Variants in RPH3A observed in about 807,000 individuals in gnomAD.
RPH3A encodes rabphilin 3A.
In RPH3A, 48 loss-of-function variants were observed where a neutral mutation model predicts 102.2. The ratio of observed to expected loss-of-function variants is 0.47; its 90% confidence interval spans 0.37 to 0.60. The LOEUF (loss-of-function observed/expected upper bound fraction) is 0.60, where lower values mean the gene tolerates loss of function less well. RPH3A is among the 20% of genes least tolerant of loss of function. The pLI is 0.00. For synonymous variants in RPH3A, 310 were observed against 324.3 expected (o/e 0.96, Z 0.47); for missense variants, 781 against 910.1 (o/e 0.86, Z 1.83).
intron 4 of RPH3A, among the ~76,000 whole-genome samples, chr12:112,839,753 C>T (rs183617435): frequency 5.8e-4 from 89 of 152,186 alleles, no homozygotes; most frequent in Non-Finnish European, 1.0e-4. Context: ...TTTGGGAGGC[C>T]GAGATAGGCA....
intron 5 of RPH3A, among the ~76,000 whole-genome samples, chr12:112,856,564 ATGTGTGGATGCATGTGTCATCTGTGTG>A (rs2042415432): frequency 6.6e-6 from 1 of 151,594 alleles, no homozygotes; most frequent in Non-Finnish European, 1.5e-5. Context: ...GTGGATATAT[ATGTGTGGATGCATGTGTCATCTGTGTG>A]TGTGTGTGTT....
intron 1 of RPH3A, among the ~76,000 whole-genome samples, chr12:112,672,576 G>A (rs1202990121): frequency 1.3e-5 from 2 of 152,162 alleles, no homozygotes; most frequent in Admixed American, 6.5e-5. Context: ...CACAGCTGCA[G>A]GTGCCTTGGT....
intron 1 of RPH3A, among the ~76,000 whole-genome samples, chr12:112,702,508 C>A (rs1489590947): frequency 6.6e-6 from 1 of 152,224 alleles, no homozygotes; most frequent in Admixed American, 6.5e-5. Flanking sequence ...GACATTGATG[C>A]TCAGGGAGAT....
intron 2 of RPH3A, among the ~76,000 whole-genome samples, chr12:112,816,364 T>A (rs150542452): frequency 3.3e-5 from 5 of 152,324 alleles, no homozygotes; most frequent in Non-Finnish European, 7.4e-5. Flanking sequence ...TGGGTTAGGT[T>A]GTGCTGTGCT....
At chr12:112,602,054 G>A (rs1283278640) in intron 1 of RPH3A, among the ~76,000 whole-genome samples, 2 of 152,212 alleles carry the variant, frequency 1.3e-5, no homozygotes, top group Non-Finnish European at 2.9e-5. Context: ...GGTGGGTATT[G>A]CTGAGGCGGG....
chr12:112,676,561 C>T (rs936809917), intron 1 of RPH3A, among the ~76,000 whole-genome samples: 9 of 152,202 alleles, frequency 5.9e-5, no homozygotes, highest in African/African-American at 1.9e-4. Flanking sequence ...AATAAGAGAG[C>T]GACTAGGCCT....
chr12:112,644,005 G>A (rs950320793), intron 1 of RPH3A, among the ~76,000 whole-genome samples: 17 of 152,228 alleles, frequency 1.1e-4, no homozygotes, highest in African/African-American at 4.1e-4. Flanking sequence ...CAATGTGGAT[G>A]GAACTGGAGG....
chr12:112,778,364 A>G (rs1326315403), intron 1 of RPH3A, among the ~76,000 whole-genome samples: 1 of 152,198 alleles, frequency 6.6e-6, no homozygotes, highest in African/African-American at 2.4e-5. Context: ...GACACCCTGA[A>G]AGTAGTTCAC....
intron 1 of RPH3A, among the ~76,000 whole-genome samples, chr12:112,727,848 G>T (rs1293887396): frequency 6.6e-6 from 1 of 152,108 alleles, no homozygotes. Flanking sequence ...GGGTTCTTTT[G>T]TTCACAACCA....
intron 1 of RPH3A, among the ~76,000 whole-genome samples, chr12:112,685,286 C>T (rs1592942730): frequency 6.6e-6 from 1 of 152,244 alleles, no homozygotes; most frequent in Non-Finnish European, 1.5e-5. Context: ...GAGACTCTGC[C>T]CTCATCACCT....
intron 1 of RPH3A, among the ~76,000 whole-genome samples, chr12:112,679,487 G>A (rs1046405139): frequency 3.9e-5 from 6 of 151,948 alleles, no homozygotes; most frequent in African/African-American, 7.3e-5. Context: ...GTGCCGTGGC[G>A]CAATCTTGGC....
At chr12:112,744,354 G>T (rs1411606498) in intron 1 of RPH3A, among the ~76,000 whole-genome samples, 1 of 152,148 alleles carries the variant, frequency 6.6e-6, no homozygotes, top group East Asian at 1.9e-4. Flanking sequence ...AGGATTACAT[G>T]CGTGAGCCAC....
chr12:112,794,028 A>G (rs1419036870), intron 2 of RPH3A, among the ~76,000 whole-genome samples: 2 of 152,184 alleles, frequency 1.3e-5, no homozygotes, highest in African/African-American at 4.8e-5. Flanking sequence ...CCAGATGTGG[A>G]CACTTCCCAA....
At chr12:112,865,588 G>A in intron 6 of RPH3A, 45 bp downstream of exon 6, 1 of 1,598,042 alleles carries the variant, frequency 6.3e-7, no homozygotes, top group Non-Finnish European at 8.5e-7. Flanking sequence ...AGCACCTGCA[G>A]AGGGGAAAGT....
intron 2 of RPH3A, among the ~76,000 whole-genome samples, chr12:112,827,676 G>A (rs923326580): frequency 6.6e-6 from 1 of 151,988 alleles, no homozygotes; most frequent in East Asian, 1.9e-4. Flanking sequence ...CTTGGATGTA[G>A]AGTATTTTTT....
At chr12:112,591,200 C>T (rs1395736846) in intron 1 of RPH3A, among the ~76,000 whole-genome samples, 1 of 152,170 alleles carries the variant, frequency 6.6e-6, no homozygotes, top group Non-Finnish European at 1.5e-5. Flanking sequence ...ATCCTCCCAC[C>T]TCAGCCTCCT....
At chr12:112,827,906 AG>A (rs1397158883) in intron 2 of RPH3A, among the ~76,000 whole-genome samples, 1 of 72,094 alleles carries the variant, frequency 1.4e-5, no homozygotes, top group African/African-American at 6.0e-5. Flanking sequence ...TAAAAAAAAA[AG>A]GGAAAAAAAA....
intron 1 of RPH3A, among the ~76,000 whole-genome samples, chr12:112,675,621 C>G (rs866867390): frequency 6.6e-6 from 1 of 152,102 alleles, no homozygotes; most frequent in Non-Finnish European, 1.5e-5. Flanking sequence ...CTTTATTACT[C>G]CAAAGAGGGC....
chr12:112,716,871 T>G (rs2040516813), intron 1 of RPH3A, among the ~76,000 whole-genome samples: 1 of 152,218 alleles, frequency 6.6e-6, no homozygotes, highest in Admixed American at 6.5e-5. Flanking sequence ...AGGTACACAT[T>G]GGGCATATTC....
Sources: gnomAD v4.1 joint callset for allele counts (sites outside exome capture counted in the v4.1 genomes callset) on GRCh38, gnomAD v4.1.1 for gene constraint, MANE v1.5 for transcripts, NCBI Gene and HGNC (gene_info 2026-07-23, HGNC 2026-07-21) for gene names.